Variants in KATNB1 observed in about 807,000 individuals in gnomAD.
The protein encoded by KATNB1 is katanin p80 WD40 repeat-containing subunit B1.
A neutral mutation model predicts 82.3 loss-of-function variants in KATNB1; 38 were observed. The ratio of observed to expected loss-of-function variants is 0.46; its 90% CI spans 0.36 to 0.61. The LOEUF (loss-of-function observed/expected upper bound fraction) is 0.61, where lower values mean the gene tolerates loss of function less well. Ranked by LOEUF, KATNB1 falls within the 20% of genes least tolerant of loss-of-function variation. The probability of loss-of-function intolerance (pLI) is 0.00; values close to 1 mark genes in which losing one functional copy is unlikely to be tolerated. For missense variants in KATNB1, 749 were observed against 915.7 expected, an observed-to-expected ratio of 0.82 and a Z score of 2.35; for synonymous variants, 361 against 368.7, an observed-to-expected ratio of 0.98 and a Z score of 0.24.
At chr16:57,753,583 T>A in intron 12 of KATNB1, 64 bp downstream of exon 12, 1 of 1,589,256 alleles carries the variant, frequency 6.3e-7, no homozygotes, top group East Asian at 2.2e-5. Context: ...TGGGGGTCCT[T>A]CCAGGGTAGC....
rs562336850 is a variant in KATNB1 at position 57,753,381 on chromosome 16, G to A, written c.1047-8G>A. 3.8e-5 allele frequency: 61 copies of A among 1,608,718 alleles called. No individual in the cohort carries two copies. Among genetic ancestry groups the A allele is most frequent in the Admixed American group, 5.0e-5 (3 of 59,674 alleles). Reference sequence around the variant, plus strand: ...CTGCTTCCGTTGGGCTTGGCCTCACGCTCCCAGGGTGAAGCAGAACTCAGA... The same window carrying A: ...CTGCTTCCGTTGGGCTTGGCCTCACACTCCCAGGGTGAAGCAGAACTCAGA... On this transcript the variant is annotated splice_region_variant and splice_polypyrimidine_tract_variant and intron_variant, in intron 11 of 19. Transcript: ENST00000379661.
At position 57,744,172 on chromosome 16, in the gene KATNB1, G is replaced by T. The variant is rs144957861; in HGVS notation, c.172-222G>T. Reference sequence around the variant, plus strand: ...ACAGCAGGGAAGAGGGAGGTGGTGGGGGGATGATTGGGGTTTGGCCACTCT... The same window carrying T: ...ACAGCAGGGAAGAGGGAGGTGGTGGTGGGATGATTGGGGTTTGGCCACTCT... On this transcript the variant is annotated intron_variant, in intron 3 of 19. Transcript: ENST00000379661. Among the ~76,000 whole-genome samples the T allele has an allele frequency of 8.1e-3, 1,237 of 152,362 alleles. 8 individuals are homozygous for T. Among genetic ancestry groups the T allele is most frequent in the Non-Finnish European group, 0.014 (972 of 68,032 alleles).
In KATNB1 at chr16:57,744,402, G is replaced by T; in HGVS notation, c.180G>T (p.Thr60=). 1.2e-6 allele frequency: 2 copies of T among 1,613,080 alleles called. No individual in the cohort carries two copies. The highest frequency in any genetic ancestry group is 1.7e-6 in the Non-Finnish European group (2 of 1,179,822). The change falls in exon 4 of 20, where the codon ACG becomes ACT. Residue 60 remains threonine, a synonymous_variant. Coordinates refer to ENST00000379661, the MANE Select transcript of KATNB1 (RefSeq NM_005886.3). ...CTGCTCTCTCTCCACAGAGCCTGAC[G>T]GGCCACACATCCCCAGTGGAGAGCG... The part of the protein sequence containing the change: ...INKPNCIMSL[T]GHTSPVESVR...
At chr16:57,745,954 C>T (rs1232670702) in intron 4 of KATNB1, among the ~76,000 whole-genome samples, 3 of 152,210 alleles carry the variant, frequency 2.0e-5, no homozygotes, top group Non-Finnish European at 4.4e-5. Context: ...ACCTGCAGCC[C>T]AGCTGTCATC....
intron 3 of KATNB1, 135 bp downstream of exon 3, chr16:57,741,952 C>T: frequency 9.2e-7 from 1 of 1,090,514 alleles, no homozygotes; most frequent in Non-Finnish European, 1.3e-6. Flanking sequence ...GGGCCCAGCT[C>T]AGGGGTGGAG....
Position 57,751,330 on chromosome 16 carries a change from A to C in KATNB1, c.432+28A>C, listed in dbSNP as rs1793747912. The C allele has an allele frequency of 6.2e-7, 1 of 1,607,536 alleles. No homozygotes were observed. The highest frequency in any genetic ancestry group is 1.3e-5 in the African/African-American group (1 of 74,784). On this transcript the variant is annotated intron_variant, in intron 6 of 19. Coordinates refer to ENST00000379661, the MANE Select transcript of KATNB1 (RefSeq NM_005886.3). The surrounding 1 kb of genome is among the most constrained non-coding windows in gnomAD (Gnocchi z 6.3). ...AAGGATGCGCTCTGTCGGTGACTCC[A>C]TGAGCACCTTGCGGGCATTGAGTGT...
Position 57,756,898 on chromosome 16 carries a change from T to C in KATNB1, c.1920T>C (p.His640=). Residue 640 remains histidine (H), a synonymous_variant, in exon 20 of 20, where the codon CAT becomes CAC. Transcript: ENST00000379661. ...VKSKSGLSGR[H]GSTFRELHLL... ...GCAAGTCAGGCCTGAGCGGCCGCCATGGCAGTACCTTCCGCGAGCTGCACC... is the reference window on the plus strand; with the variant it reads ...GCAAGTCAGGCCTGAGCGGCCGCCACGGCAGTACCTTCCGCGAGCTGCACC... 1.9e-6 allele frequency: 3 copies of C among 1,553,258 alleles called. No homozygotes were observed. Among genetic ancestry groups the C allele is most frequent in the African/African-American group, 1.4e-5 (1 of 73,374 alleles).
chr16:57,756,766 G>GGGT, intron 19 of KATNB1, 48 bp from the exon 20 acceptor site: 1 of 1,499,920 alleles, frequency 6.7e-7, no homozygotes, highest in Non-Finnish European at 8.9e-7. Context: ...GGTTGGGTGT[G>GGGT]GGTGGTGGTG....
Position 57,756,829 on chromosome 16 carries a change from G to T in KATNB1, c.1851G>T (p.Arg617=). 1 of 1,572,332 alleles carries T rather than the reference G, an allele frequency of 6.4e-7. No homozygotes were observed. The highest frequency in any genetic ancestry group is 8.6e-7 in the Non-Finnish European group (1 of 1,157,104). The change falls in exon 20 of 20, where the codon CGG becomes CGT. Residue 617 remains arginine, a synonymous_variant. Transcript: ENST00000379661. ...ISREERLHKC[R]LCYKQLKSIS... Reference sequence around the variant, plus strand: ...CTCTCTACAGGCTGCATAAGTGCCGGCTCTGCTACAAGCAGCTTAAGAGCA... The same window carrying T: ...CTCTCTACAGGCTGCATAAGTGCCGTCTCTGCTACAAGCAGCTTAAGAGCA...
chr16:57,752,313 A>G (rs2049234956), intron 8 of KATNB1: 2 of 624,856 alleles, frequency 3.2e-6, no homozygotes, highest in Non-Finnish European at 5.7e-6. Context: ...GGGACCCCAT[A>G]GGGCAGGGAG....
At chr16:57,750,997 G>A (rs1233005664) in intron 5 of KATNB1, 70 bp downstream of exon 5, 12 of 1,276,636 alleles carry the variant, frequency 9.4e-6, no homozygotes, top group Non-Finnish European at 1.3e-5. Context: ...CCGGCCCTCA[G>A]TGCTGGATGC....
chr16:57,753,222 G>A lies in KATNB1; in HGVS notation c.1001G>A (p.Arg334Gln). The A allele has an allele frequency of 4.4e-6, 7 of 1,607,012 alleles. No individual in the cohort carries two copies. The highest frequency in any genetic ancestry group is 1.3e-5 in the African/African-American group (1 of 74,994). Residue 334 changes from arginine to glutamine, a missense_variant, in exon 11 of 20, where the codon CGG becomes CAG. Physicochemically the swap from Arg to Gln is conservative, Grantham distance 43. Coordinates refer to ENST00000379661, the MANE Select transcript of KATNB1 (RefSeq NM_005886.3). Reference sequence around the variant, plus strand: ...CTGCCCAACCCCAGCGCCCCCCTCCGGCGCATCTATGAGCGGCCCAGCACA... The same window carrying A: ...CTGCCCAACCCCAGCGCCCCCCTCCAGCGCATCTATGAGCGGCCCAGCACA... ...QPLPNPSAPL[R>Q]RIYERPSTTC...
Position 57,752,003 on chromosome 16 carries a change from G to A in KATNB1, c.580G>A (p.Val194Met). The change falls in exon 8 of 20, where the codon GTG becomes ATG. Residue 194 changes from valine (V) to methionine (M), a missense_variant. By Grantham distance (21) the Val-to-Met change is conservative (BLOSUM62 1). Coordinates refer to ENST00000379661, the MANE Select transcript of KATNB1 (RefSeq NM_005886.3). ...CCCTGGTCACACGGGGCCTGTCAAC[G>A]TGGTCGAGTTTCACCCCAACGAGTA... is the stretch of plus-strand genomic sequence containing the variant. ...EFPGHTGPVN[V>M]VEFHPNEYLL... 5 of 1,613,526 alleles carry A rather than the reference G, an allele frequency of 3.1e-6. No homozygotes were observed. In the South Asian group the frequency reaches 4.4e-5, roughly 14 times the overall value.
intron 2 of KATNB1, among the ~76,000 whole-genome samples, chr16:57,741,268 T>C (rs2049139647): frequency 1.3e-5 from 2 of 152,222 alleles, no homozygotes; most frequent in African/African-American, 4.8e-5. Flanking sequence ...TTTTTTTTAT[T>C]TCAATAATTG....
chr16:57,740,930 G>A (rs1420958839), intron 2 of KATNB1, among the ~76,000 whole-genome samples: 1 of 152,224 alleles, frequency 6.6e-6, no homozygotes, highest in Non-Finnish European at 1.5e-5. Context: ...GCCCTCGCCT[G>A]CTACTAAGCA....
chr16:57,755,820 G>T (rs1555585923), intron 16 of KATNB1, 21 bp from the exon 17 acceptor site: 2 of 1,569,584 alleles, frequency 1.3e-6, no homozygotes, highest in Non-Finnish European at 8.7e-7. Context: ...CCCCACCCCT[G>T]ACGGTGCTCT....
At chr16:57,753,656 C>A in intron 12 of KATNB1, 137 bp downstream of exon 12, 1 of 1,208,670 alleles carries the variant, frequency 8.3e-7, no homozygotes, top group Non-Finnish European at 1.2e-6. Context: ...GTATCCTGTC[C>A]TCACGTTCCC....
intron 4 of KATNB1, among the ~76,000 whole-genome samples, chr16:57,748,573 C>T (rs1193419998): frequency 1.3e-5 from 2 of 151,934 alleles, no homozygotes; most frequent in African/African-American, 4.8e-5. Flanking sequence ...AGGTGCTCAG[C>T]TGGGAGGCGT....
chr16:57,752,419 T>C, intron 8 of KATNB1, 111 bp from the exon 9 acceptor site: 1 of 950,878 alleles, frequency 1.1e-6, no homozygotes. Flanking sequence ...ATGTTGCTCC[T>C]GGTGGCCCTG....
Sources: allele counts gnomAD v4.1 joint callset (sites outside exome capture counted in the v4.1 genomes callset), GRCh38; gene constraint gnomAD v4.1.1; non-coding constraint Gnocchi (gnomAD v3.1); transcripts MANE v1.5; gene names NCBI Gene and HGNC (gene_info 2026-07-23, HGNC 2026-07-21).